Variants in CDH4 observed in about 807,000 individuals in gnomAD.
The protein encoded by CDH4 is cadherin 4, also known as cadherin-4.
A neutral mutation model predicts 86.0 loss-of-function variants in CDH4; 33 were observed. That is an observed-to-expected ratio of 0.38 (90% CI 0.29 to 0.51). The LOEUF (loss-of-function observed/expected upper bound fraction) is 0.51, where lower values mean the gene tolerates loss of function less well. Among genes scored for constraint, CDH4 ranks in the 20% least tolerant of loss-of-function variants. CDH4 has a pLI of 0.86. For missense variants in CDH4, 1,114 were observed against 1,307.4 expected (o/e 0.85, Z 2.28); for synonymous variants, 555 against 549.4 (o/e 1.01, Z -0.14).
chr20:61,555,125 G>A (rs1351637781), intron 2 of CDH4, among the ~76,000 whole-genome samples: 1 of 152,206 alleles, frequency 6.6e-6, no homozygotes, highest in Non-Finnish European at 1.5e-5. Context: ...GTGTGTGTAT[G>A]TGAACATAGG....
intron 2 of CDH4, among the ~76,000 whole-genome samples, chr20:61,714,155 T>C (rs1010149038): frequency 1.3e-5 from 2 of 152,110 alleles, no homozygotes; most frequent in African/African-American, 4.8e-5. Flanking sequence ...CACGCCATTC[T>C]CCTGCCTCAG....
intron 2 of CDH4, among the ~76,000 whole-genome samples, chr20:61,333,550 T>A (rs902067860): frequency 1.3e-5 from 2 of 151,932 alleles, no homozygotes; most frequent in Admixed American, 6.6e-5. Context: ...CCCTAAGAAG[T>A]GCAGTTGTAC....
intron 2 of CDH4, among the ~76,000 whole-genome samples, chr20:61,372,522 C>T (rs1344889993): frequency 6.6e-6 from 1 of 152,230 alleles, no homozygotes; most frequent in African/African-American, 2.4e-5. Context: ...ATTCATATTT[C>T]AGTAAAGGGT....
intron 2 of CDH4, among the ~76,000 whole-genome samples, chr20:61,473,168 G>T (rs563204015): frequency 2.0e-5 from 3 of 152,178 alleles, no homozygotes; most frequent in Non-Finnish European, 4.4e-5. Flanking sequence ...CTATCTCTCA[G>T]ATATAATAGG....
At chr20:61,446,695 C>T (rs2085352102) in intron 2 of CDH4, among the ~76,000 whole-genome samples, 1 of 152,204 alleles carries the variant, frequency 6.6e-6, no homozygotes, top group Non-Finnish European at 1.5e-5. Context: ...TTTAAGGTTT[C>T]CGCATGTGTT....
intron 2 of CDH4, chr20:61,740,497 G>A (rs1299921887): frequency 6.6e-6 from 1 of 152,158 alleles, no homozygotes; most frequent in Non-Finnish European, 1.5e-5. Flanking sequence ...TATGAAAGAG[G>A]CCACAGCCTG....
rs114664698 is a variant in CDH4 at position 61,285,251 on chromosome 20, G to A, written c.169+30314G>A. Among the ~76,000 whole-genome samples the A allele has an allele frequency of 8.3e-3, 1,259 of 152,312 alleles. 16 individuals carry two copies. The highest frequency in any genetic ancestry group is 0.029 in the African/African-American group (1,203 of 41,566). Reference sequence around the variant, plus strand: ...CAGACCAGAAAGCCCGTGTGACATCGTCAAGGTTACGAAGCCACGAAGCAG... The same window carrying A: ...CAGACCAGAAAGCCCGTGTGACATCATCAAGGTTACGAAGCCACGAAGCAG... On this transcript the variant is annotated intron_variant, in intron 2 of 15. Transcript: ENST00000614565.
intron 2 of CDH4, among the ~76,000 whole-genome samples, chr20:61,630,856 T>C (rs560521736): frequency 2.5e-3 from 376 of 152,286 alleles, no homozygotes; most frequent in Middle Eastern, 0.01. Flanking sequence ...TTGCTGGGGC[T>C]GGGGTAGAGC....
At chr20:61,306,245 G>A (rs977811215) in intron 2 of CDH4, among the ~76,000 whole-genome samples, 8 of 152,152 alleles carry the variant, frequency 5.3e-5, no homozygotes, top group Non-Finnish European at 8.8e-5. Context: ...AATATTATAC[G>A]TAAAACATTC....
intron 6 of CDH4, among the ~76,000 whole-genome samples, chr20:61,857,406 G>A (rs901124057): frequency 1.3e-5 from 2 of 152,244 alleles, no homozygotes; most frequent in South Asian, 2.1e-4. Context: ...AGAAATCAAC[G>A]TTGGTTTATT....
chr20:61,331,635 A>G (rs1406411487), intron 2 of CDH4, among the ~76,000 whole-genome samples: 843 of 6,284 alleles, frequency 0.13, 2 homozygotes, highest in African/African-American at 0.15. Flanking sequence ...CTCCTGCCCC[A>G]GACCCACCTC....
At position 61,383,176 on chromosome 20, in the gene CDH4, T is replaced by TGAA. The variant is rs1491577503; in HGVS notation, c.169+128239_169+128240insGAA. ...TGAATATATTATATATATGAATATATTTATGAATATATATGAATATATTTA... is the reference window on the plus strand; with the variant it reads ...TGAATATATTATATATATGAATATATGAATTATGAATATATATGAATATATTTA... On this transcript the variant is annotated intron_variant, in intron 2 of 15. Coordinates refer to ENST00000614565, the MANE Select transcript of CDH4 (RefSeq NM_001794.5). 4.5e-4 allele frequency among the ~76,000 whole-genome samples: 39 copies of TGAA among 86,252 alleles called. 5 individuals are homozygous for TGAA. Among genetic ancestry groups the TGAA allele is most frequent in the Middle Eastern group, 5.2e-3 (1 of 194 alleles). 56.6% of individuals were successfully genotyped at this position (86,252 alleles called of 152,430 possible).
intron 8 of CDH4, among the ~76,000 whole-genome samples, chr20:61,897,780 C>T (rs1985200462): frequency 6.6e-6 from 1 of 152,232 alleles, no homozygotes; most frequent in Non-Finnish European, 1.5e-5. Context: ...ATCCTTGGTT[C>T]CAGGGGGCCT....
At chr20:61,863,050 C>T (rs1056566699) in intron 6 of CDH4, among the ~76,000 whole-genome samples, 1 of 152,166 alleles carries the variant, frequency 6.6e-6, no homozygotes. Flanking sequence ...AAATCTCTAG[C>T]CTCAGTGATT....
At chr20:61,330,561 T>C (rs1372299361) in intron 2 of CDH4, among the ~76,000 whole-genome samples, 1 of 152,210 alleles carries the variant, frequency 6.6e-6, no homozygotes, top group Non-Finnish European at 1.5e-5. Context: ...TGTAGGCAGT[T>C]GCCTTCAAGA....
chr20:61,615,112 G>C (rs914926403), intron 2 of CDH4, among the ~76,000 whole-genome samples: 1 of 120,812 alleles, frequency 8.3e-6, no homozygotes, highest in East Asian at 2.6e-4. Flanking sequence ...TTTTTTTGTT[G>C]TTGTTTTTGT....
intron 3 of CDH4, among the ~76,000 whole-genome samples, chr20:61,758,518 T>C (rs1311844222): frequency 6.6e-6 from 1 of 152,120 alleles, no homozygotes; most frequent in Non-Finnish European, 1.5e-5. Flanking sequence ...AGAGGGGCAC[T>C]GAGAGAGAGC....
intron 2 of CDH4, among the ~76,000 whole-genome samples, chr20:61,653,527 C>CA: frequency 7.3e-6 from 1 of 137,822 alleles, no homozygotes; most frequent in Middle Eastern, 4.1e-3. Flanking sequence ...GCAGAGGCGC[C>CA]CCTCACCTCC....
At position 61,392,882 on chromosome 20, in the gene CDH4, T is replaced by C. The variant is rs1441381665; in HGVS notation, c.169+137945T>C. ...CCATCCCCTGTGTCACTGCACTAAGTAAAGCCAGTGGATTGACATAAAGTC... is the reference window on the plus strand; with the variant it reads ...CCATCCCCTGTGTCACTGCACTAAGCAAAGCCAGTGGATTGACATAAAGTC... On this transcript the variant is annotated intron_variant, in intron 2 of 15. Coordinates refer to ENST00000614565, the MANE Select transcript of CDH4 (RefSeq NM_001794.5). The surrounding 1 kb of genome is among the most constrained non-coding windows in gnomAD (Gnocchi z 5.7). Among the ~76,000 whole-genome samples the C allele has an allele frequency of 6.8e-6, 1 of 147,678 alleles. No individual in the cohort carries two copies. Among genetic ancestry groups the C allele is most frequent in the Non-Finnish European group, 1.5e-5 (1 of 67,614 alleles).
Sources: allele counts gnomAD v4.1 joint callset (sites outside exome capture counted in the v4.1 genomes callset), GRCh38; gene constraint gnomAD v4.1.1; non-coding constraint Gnocchi (gnomAD v3.1); transcripts MANE v1.5; gene names NCBI Gene and HGNC (gene_info 2026-07-23, HGNC 2026-07-21).